Variants in SLC6A6 observed in about 807,000 individuals in gnomAD.
SLC6A6 encodes solute carrier family 6 member 6.
Under a neutral mutation model 68.8 loss-of-function variants are expected in SLC6A6, and 16 were observed. The ratio of observed to expected loss-of-function variants is 0.23; its 90% CI spans 0.16 to 0.35. The LOEUF is 0.35. SLC6A6 is among the 10% of genes least tolerant of loss of function. The probability of loss-of-function intolerance (pLI) is 1.00; values close to 1 mark genes in which losing one functional copy is unlikely to be tolerated. For synonymous variants in SLC6A6, 312 were observed against 315.4 expected (o/e 0.99, Z 0.12); for missense variants, 474 against 802.8 (o/e 0.59, Z 4.95).
chr3:14,459,637 C>T (rs1282169533), intron 6 of SLC6A6, among the ~76,000 whole-genome samples: 1 of 152,104 alleles, frequency 6.6e-6, no homozygotes, highest in Admixed American at 6.5e-5. Flanking sequence ...CCTGCACCTC[C>T]TTGGAGAGCA....
chr3:14,458,161 A>G, intron 6 of SLC6A6, 79 bp downstream of exon 6: 1 of 1,331,796 alleles, frequency 7.5e-7, no homozygotes, highest in Non-Finnish European at 1.1e-6. Context: ...CCCGCCTGCA[A>G]TTAGCCACGC....
intron 4 of SLC6A6, among the ~76,000 whole-genome samples, chr3:14,446,541 C>A (rs1411101578): frequency 1.3e-5 from 2 of 152,164 alleles, no homozygotes; most frequent in Non-Finnish European, 2.9e-5. Context: ...TGCACCTGCA[C>A]CCCCTGAATC....
chr3:14,458,199 G>C, intron 6 of SLC6A6, 117 bp downstream of exon 6: 4 of 922,214 alleles, frequency 4.3e-6, no homozygotes, highest in South Asian at 2.7e-5. Flanking sequence ...CAGTGGTGGC[G>C]TGCTGGTAAG....
intron 3 of SLC6A6, chr3:14,444,093 G>T (rs1700058379): frequency 2.0e-6 from 1 of 500,396 alleles, no homozygotes; most frequent in South Asian, 2.5e-5. Flanking sequence ...GTGTTACCTT[G>T]AGCAGGTCCC....
At chr3:14,415,323 G>A (rs1699338400) in intron 1 of SLC6A6, among the ~76,000 whole-genome samples, 1 of 152,200 alleles carries the variant, frequency 6.6e-6, no homozygotes, top group Admixed American at 6.5e-5. Context: ...CATCTAATTT[G>A]GGGGACAGGG....
chr3:14,448,458 G>T (rs1700181511), intron 5 of SLC6A6, among the ~76,000 whole-genome samples: 1 of 152,204 alleles, frequency 6.6e-6, no homozygotes, highest in South Asian at 2.1e-4. Context: ...ATTGGCTGGG[G>T]TGTGAGGGGC....
intron 14 of SLC6A6, among the ~76,000 whole-genome samples, chr3:14,483,037 G>T (rs1297377826): frequency 6.6e-6 from 1 of 151,586 alleles, no homozygotes; most frequent in African/African-American, 2.4e-5. Context: ...TGGTCTAGGG[G>T]TCTCTGCTCT....
intron 10 of SLC6A6, among the ~76,000 whole-genome samples, chr3:14,474,127 T>G (rs1324983463): frequency 6.6e-6 from 1 of 152,190 alleles, no homozygotes; most frequent in East Asian, 1.9e-4. Flanking sequence ...AAATCGAACC[T>G]AAGTCACTGG....
rs554206276 is a variant in SLC6A6, at chr3:14,476,191, C to T, written c.1210-1014C>T. Among the ~76,000 whole-genome samples the T allele has an allele frequency of 6.6e-5, 10 of 152,290 alleles. No individual in the cohort carries two copies. In the South Asian group the frequency reaches 1.9e-3, roughly 28 times the overall value. On this transcript the variant is annotated intron_variant, in intron 10 of 14. Coordinates refer to ENST00000622186, the MANE Select transcript of SLC6A6 (RefSeq NM_003043.6). The stretch of plus-strand genomic sequence containing the variant: ...TAAAGTGCTGCTGTGTGCTCTTTAA[C>T]CCCAAAGCTTCTCTTTTAAGACTGT...
intron 2 of SLC6A6, among the ~76,000 whole-genome samples, chr3:14,418,236 GC>G (rs1699408945): frequency 6.6e-6 from 1 of 152,146 alleles, no homozygotes; most frequent in Admixed American, 6.5e-5. Context: ...GGCTTCCTGG[GC>G]AGAAATTTCT....
chr3:14,409,359 G>A (rs1419154276), intron 1 of SLC6A6, among the ~76,000 whole-genome samples: 1 of 152,240 alleles, frequency 6.6e-6, no homozygotes. Context: ...AGCCGGCTGA[G>A]CCGATTCAGC....
chr3:14,474,900 T>A (rs746987574), intron 10 of SLC6A6, among the ~76,000 whole-genome samples: 16 of 152,248 alleles, frequency 1.1e-4, no homozygotes, highest in Non-Finnish European at 2.1e-4. Context: ...CAGGGGTTCC[T>A]ACCATTGGCG....
In SLC6A6 at chr3:14,447,990, G is replaced by A. The variant is rs561410809; in HGVS notation, c.599+174G>A. The stretch of plus-strand genomic sequence containing the variant: ...GGCCATAGACAGGACTGGAATCCCA[G>A]TTCTGCCACTTACTGGCTGTTTGAC... On this transcript the variant is annotated intron_variant, in intron 5 of 14. Coordinates refer to ENST00000622186, the MANE Select transcript of SLC6A6 (RefSeq NM_003043.6). 1.6e-5 allele frequency: 23 copies of A among 1,418,546 alleles called. No individual in the cohort carries two copies. In the East Asian group the frequency reaches 2.3e-4, roughly 14 times the overall value. 87.9% of individuals were successfully genotyped at this position (1,418,546 alleles called of 1,614,324 possible).
chr3:14,438,549 C>T (rs1258788274), intron 2 of SLC6A6, among the ~76,000 whole-genome samples: 3 of 152,188 alleles, frequency 2.0e-5, no homozygotes, highest in Admixed American at 1.3e-4. Flanking sequence ...CCTCAGTTTT[C>T]CCCACCTGTA....
Position 14,443,875 on chromosome 3 carries a change from C to T in SLC6A6, c.229+12C>T, listed in dbSNP as rs867771469. ...CAAGAATGGTGGAGGTGAGCTTGGG[C>T]CGGGCCACAGGGGAGCCCATCCAGT... On this transcript the variant is annotated intron_variant, in intron 3 of 14. Transcript: ENST00000622186. The T allele has an allele frequency of 6.3e-7, 1 of 1,589,822 alleles. No individual in the cohort carries two copies. Among genetic ancestry groups the T allele is most frequent in the Non-Finnish European group, 8.6e-7 (1 of 1,157,876 alleles).
chr3:14,409,685 G>A (rs9809826), intron 1 of SLC6A6, among the ~76,000 whole-genome samples: 9,539 of 152,284 alleles, frequency 0.063, 923 homozygotes, highest in African/African-American at 0.21. Flanking sequence ...TTAGTGAACA[G>A]TCTAAGATGG....
chr3:14,418,105 C>T (rs78977260), intron 2 of SLC6A6, among the ~76,000 whole-genome samples: 1,636 of 152,286 alleles, frequency 0.011, 22 homozygotes, highest in African/African-American at 0.035. Context: ...AGATCATCCT[C>T]GTACTCGCCA....
intron 2 of SLC6A6, among the ~76,000 whole-genome samples, chr3:14,439,601 A>G (rs1304647243): frequency 9.2e-5 from 14 of 152,208 alleles, no homozygotes; most frequent in Admixed American, 2.6e-4. Flanking sequence ...ATAACCAAAG[A>G]GGAAGCTCTT....
Position 14,488,751 on chromosome 3 carries a change from C to T in SLC6A6, c.*3744C>T, listed in dbSNP as rs1013477548. 6.6e-6 allele frequency: 1 copy of T among 152,608 alleles called. No individual in the cohort carries two copies. Among genetic ancestry groups the T allele is most frequent in the Non-Finnish European group, 1.5e-5 (1 of 68,042 alleles). The allele number at this position is 152,608 out of a possible 1,614,324, so 9.5% of individuals were successfully genotyped here. A position where few individuals can be genotyped will look rare whatever the true frequency, so the allele number is the denominator to read the frequency against. ...CCAGAAAGCAGGGGGCAGCCCTCCC[C>T]CTTTCCTTCTCTCCCTGATCCTCAG... On this transcript the variant is annotated 3_prime_UTR_variant, in exon 15 of 15. Transcript: ENST00000622186.
Sources: allele counts gnomAD v4.1 joint callset (sites outside exome capture counted in the v4.1 genomes callset), GRCh38; gene constraint gnomAD v4.1.1; transcripts MANE v1.5; gene names NCBI Gene and HGNC (gene_info 2026-07-23, HGNC 2026-07-21).